GBF1: variants seen among roughly 807,000 people sequenced by gnomAD.
GBF1 encodes golgi brefeldin A resistant guanine nucleotide exchange factor 1, also known as Golgi-specific brefeldin A-resistance guanine nucleotide exchange factor 1.
GBF1 carries 114 observed loss-of-function variants against 210.5 expected under a neutral mutation model. The observed-to-expected ratio is 0.54, with a 90% CI of 0.47 to 0.63. GBF1 has a LOEUF of 0.63. Among genes scored for constraint, GBF1 ranks in the 30% least tolerant of loss-of-function variants. The pLI, the probability that GBF1 is intolerant of heterozygous loss-of-function variation, is 0.00. For missense variants in GBF1, 1,851 were observed against 2,357.7 expected, an observed-to-expected ratio of 0.79 and a Z score of 4.45; for synonymous variants, 850 against 889.2, an observed-to-expected ratio of 0.96 and a Z score of 0.78.
At chr10:102,341,069 A>AATTC (rs573858276) in intron 3 of GBF1, among the ~76,000 whole-genome samples, 87 of 152,334 alleles carry the variant, frequency 5.7e-4, no homozygotes, top group Non-Finnish European at 1.1e-3. Flanking sequence ...ATCACTACTG[A>AATTC]AGGACTTGAA....
At chr10:102,270,551 T>C (rs1329972156) in intron 3 of GBF1, among the ~76,000 whole-genome samples, 1 of 152,234 alleles carries the variant, frequency 6.6e-6, no homozygotes, top group Admixed American at 6.5e-5. Flanking sequence ...ATTACTAACA[T>C]TTAGGCATAT....
At chr10:102,286,596 C>T (rs2075975750) in intron 3 of GBF1, among the ~76,000 whole-genome samples, 1 of 152,216 alleles carries the variant, frequency 6.6e-6, no homozygotes, top group African/African-American at 2.4e-5. Flanking sequence ...ACTGCCTCTT[C>T]TTTAAATCTT....
intron 3 of GBF1, among the ~76,000 whole-genome samples, chr10:102,341,903 T>C (rs73346872): frequency 2.9e-4 from 44 of 152,276 alleles, no homozygotes; most frequent in African/African-American, 9.6e-4. Flanking sequence ...CTGTCCCGAT[T>C]CTCAAAGATT....
intron 3 of GBF1, among the ~76,000 whole-genome samples, chr10:102,314,141 CT>C (rs753694140): frequency 9.8e-4 from 118 of 119,910 alleles, no homozygotes; most frequent in Middle Eastern, 4.7e-3. Flanking sequence ...TTAAACATAT[CT>C]TTTTTTTTTT....
chr10:102,236,580 AAT>A, the GBF1 span, among the ~76,000 whole-genome samples: 1 of 152,162 alleles, frequency 6.6e-6, no homozygotes, highest in Non-Finnish European at 1.5e-5. Context: ...GCAAGAATGA[AAT>A]ATCCAGGACA....
intron 29 of GBF1, among the ~76,000 whole-genome samples, chr10:102,373,606 G>A (rs181771828): frequency 6.8e-4 from 104 of 152,324 alleles, no homozygotes; most frequent in Non-Finnish European, 1.3e-3. Flanking sequence ...CCACTTTTCA[G>A]AATGGCTGAA....
At chr10:102,329,164 A>G (rs2057137136) in intron 3 of GBF1, among the ~76,000 whole-genome samples, 1 of 152,170 alleles carries the variant, frequency 6.6e-6, no homozygotes, top group South Asian at 2.1e-4. Flanking sequence ...AAAGAAGAGA[A>G]CTAGTATTTA....
rs1295165296 is a variant in GBF1, at chr10:102,322,885, C to A, written c.164-21166C>A. ...TGAGCTGAGATCACACCACTGTAGT[C>A]CAGCCTGGGTGACAGAGCAAGACTG... is the stretch of plus-strand genomic sequence containing the variant. On this transcript the variant is annotated intron_variant, in intron 3 of 39. Transcript: ENST00000369983. Among the ~76,000 whole-genome samples the A allele has an allele frequency of 3.3e-5, 5 of 152,100 alleles. No individual in the cohort carries two copies. The East Asian group carries it at 7.7e-4, about 23-fold the overall frequency.
chr10:102,359,762 A>C (rs1411255249), intron 11 of GBF1, among the ~76,000 whole-genome samples: 1 of 150,638 alleles, frequency 6.6e-6, no homozygotes, highest in East Asian at 1.9e-4. Flanking sequence ...CCAGGAAAAA[A>C]AAAAAAATCC....
chr10:102,339,267 G>A lies in GBF1; in HGVS notation c.164-4784G>A, dbSNP rs2058003545. On this transcript the variant is annotated intron_variant, in intron 3 of 39. Coordinates refer to ENST00000369983, the MANE Select transcript of GBF1 (RefSeq NM_001377137.1). ...AATCCCAACTACTCAGGAGGCTGAG[G>A]CATGAGAATCACTTGAACCCGGGAG... 3.3e-5 allele frequency among the ~76,000 whole-genome samples: 5 copies of A among 152,166 alleles called. No individual in the cohort carries two copies. In the South Asian group the frequency reaches 1.0e-3, roughly 32 times the overall value.
intron 37 of GBF1, 30 bp from the exon 38 acceptor site, chr10:102,380,476 C>T (rs1342764355): frequency 1.2e-6 from 2 of 1,606,280 alleles, no homozygotes; most frequent in East Asian, 4.5e-5. Flanking sequence ...GCCCTCTTTC[C>T]TATTCTCATG....
At position 102,381,245 on chromosome 10, in the gene GBF1, G is replaced by T. The variant is rs1408316522; in HGVS notation, c.5292G>T (p.Leu1764=). 1 of 1,613,654 alleles carries T rather than the reference G, an allele frequency of 6.2e-7. No individual in the cohort carries two copies. The change falls in exon 39 of 40, where the codon CTG becomes CTT. Residue 1764 remains leucine (L), a synonymous_variant. Coordinates refer to ENST00000369983, the MANE Select transcript of GBF1 (RefSeq NM_001377137.1). Reference sequence around the variant, plus strand: ...CGCCCCCAGAGATTCCATCTGAGCTGGGGGCCTGTGGTGAGTCTCTCTAGC... The same window carrying T: ...CGCCCCCAGAGATTCCATCTGAGCTTGGGGCCTGTGGTGAGTCTCTCTAGC... ...HPPPPEIPSE[L]GACDFEKPES...
chr10:102,248,268 AG>A (rs2071078637), intron 1 of GBF1, among the ~76,000 whole-genome samples: 1 of 150,432 alleles, frequency 6.6e-6, no homozygotes, highest in Non-Finnish European at 1.5e-5. Context: ...GCTGCTGTTT[AG>A]CTGTTACTCT....
intron 1 of GBF1, among the ~76,000 whole-genome samples, chr10:102,250,168 T>G (rs2071333861): frequency 6.6e-6 from 1 of 152,188 alleles, no homozygotes; most frequent in Non-Finnish European, 1.5e-5. Context: ...CGCTTTTGCC[T>G]TTGGAGAATT....
chr10:102,284,196 C>T (rs189710222), intron 3 of GBF1, among the ~76,000 whole-genome samples: 1 of 152,054 alleles, frequency 6.6e-6, no homozygotes, highest in Non-Finnish European at 1.5e-5. Flanking sequence ...TGTTAAAGCA[C>T]TTTAGAAAAA....
At position 102,376,962 on chromosome 10, in the gene GBF1, A is replaced by G. The variant is rs2060537106; in HGVS notation, c.4316A>G (p.Lys1439Arg). 1 of 1,614,234 alleles carries G rather than the reference A, an allele frequency of 6.2e-7. No homozygotes were observed. Among genetic ancestry groups the G allele is most frequent in the Non-Finnish European group, 8.5e-7 (1 of 1,180,038 alleles). Residue 1439 changes from lysine (K) to arginine (R), a missense_variant, in exon 33 of 40, where the codon AAG (lysine) becomes AGG (arginine). This residue lies in a region of GBF1 where 967 missense variants were observed against 1,247.7 expected (regional missense o/e 0.78). Coordinates refer to ENST00000369983, the MANE Select transcript of GBF1 (RefSeq NM_001377137.1). ...TGCAAGTCCCAGGAGAAACGTGGCA[A>G]GAGTCACAAATATGACAGCAAAGGG... ...GGCKSQEKRG[K>R]SHKYDSKGNR...
Position 102,356,723 on chromosome 10 carries a change from C to T in GBF1, c.640-1316C>T, listed in dbSNP as rs4917967. Among the ~76,000 whole-genome samples, 404 of 146,580 alleles carry T rather than the reference C, an allele frequency of 2.8e-3. 5 individuals carry two copies. The highest frequency in any genetic ancestry group is 0.019 in the Admixed American group (272 of 14,420). On this transcript the variant is annotated intron_variant, in intron 8 of 39. Coordinates refer to ENST00000369983, the MANE Select transcript of GBF1 (RefSeq NM_001377137.1). The stretch of plus-strand genomic sequence containing the variant: ...CGGAGCTTGCAGTGAGCCAAGATCA[C>T]GCCACTGCACTCCAGCCTGGGTGGC...
At chr10:102,355,977 T>G (rs529352104) in intron 8 of GBF1, among the ~76,000 whole-genome samples, 4 of 152,234 alleles carry the variant, frequency 2.6e-5, no homozygotes, top group African/African-American at 9.6e-5. Context: ...TAGCGGTCAG[T>G]ACGCCTGAAG....
At chr10:102,328,633 T>C (rs897341639) in intron 3 of GBF1, among the ~76,000 whole-genome samples, 15 of 152,236 alleles carry the variant, frequency 9.9e-5, no homozygotes, top group Non-Finnish European at 2.1e-4. Flanking sequence ...AGTAAGGTCC[T>C]ATACACTGAA....
Sources: allele counts gnomAD v4.1 joint callset (sites outside exome capture counted in the v4.1 genomes callset), GRCh38; gene constraint gnomAD v4.1.1; regional missense constraint gnomAD v4.1.1; transcripts MANE v1.5; gene names NCBI Gene and HGNC (gene_info 2026-07-23, HGNC 2026-07-21).